Variants in EDIL3 observed in about 807,000 individuals in gnomAD.
EDIL3 encodes the protein EGF-like repeat and discoidin I-like domain-containing protein 3.
A neutral mutation model predicts 67.4 loss-of-function variants in EDIL3; 37 were observed. The observed-to-expected ratio is 0.55, with a 90% CI of 0.42 to 0.72. The LOEUF is 0.72. Ranked by LOEUF, EDIL3 falls within the 30% of genes least tolerant of loss-of-function variation. The pLI, the probability that EDIL3 is intolerant of heterozygous loss-of-function variation, is 0.00. For missense variants in EDIL3, 527 were observed against 586.3 expected (o/e 0.90, Z 1.04); for synonymous variants, 195 against 196.3 (o/e 0.99, Z 0.05).
At chr5:83,992,027 C>A (rs1745159241) in intron 9 of EDIL3, among the ~76,000 whole-genome samples, 1 of 152,230 alleles carries the variant, frequency 6.6e-6, no homozygotes, top group South Asian at 2.1e-4. Context: ...GTTAGATATT[C>A]TTCTTAAATT....
intron 1 of EDIL3, among the ~76,000 whole-genome samples, chr5:84,270,978 T>C (rs1745461527): frequency 6.6e-6 from 1 of 152,188 alleles, no homozygotes; most frequent in African/African-American, 2.4e-5. Context: ...GGATTCAAAG[T>C]GCAGGGTTAA....
intron 4 of EDIL3, among the ~76,000 whole-genome samples, chr5:84,170,152 T>C (rs1032540413): frequency 6.6e-6 from 1 of 152,144 alleles, no homozygotes; most frequent in Non-Finnish European, 1.5e-5. Flanking sequence ...GAAATGATAT[T>C]GCAAAATGGT....
At chr5:84,195,690 C>A (rs1743689982) in intron 3 of EDIL3, among the ~76,000 whole-genome samples, 1 of 151,958 alleles carries the variant, frequency 6.6e-6, no homozygotes, top group Admixed American at 6.6e-5. Flanking sequence ...AATGACCGTG[C>A]TTTGGGCTTA....
rs185659265 is a variant in EDIL3, at chr5:84,117,932, C to T, written c.470-11102G>A. 1.3e-3 allele frequency among the ~76,000 whole-genome samples: 192 copies of T among 152,056 alleles called. 1 individual carries two copies. The highest frequency in any genetic ancestry group is 2.1e-3 in the Non-Finnish European group (146 of 67,952). The stretch of plus-strand genomic sequence containing the variant: ...AATTTCATTTCTAAAAAATTTTGTA[C>T]AAATGAGAATAGTGACTGAATTTTC... On this transcript the variant is annotated intron_variant, in intron 5 of 10. Transcript: ENST00000296591.
intron 1 of EDIL3, among the ~76,000 whole-genome samples, chr5:84,333,235 T>C (rs1021265901): frequency 2.0e-5 from 3 of 152,126 alleles, no homozygotes; most frequent in Non-Finnish European, 4.4e-5. Flanking sequence ...ATTATGAACA[T>C]ACGAATTTCA....
At chr5:84,318,161 CACAA>C (rs1338252057) in intron 1 of EDIL3, among the ~76,000 whole-genome samples, 4 of 152,072 alleles carry the variant, frequency 2.6e-5, no homozygotes, top group African/African-American at 9.7e-5. Context: ...TAAAAGAAGA[CACAA>C]ACAAATGGAA....
At chr5:84,326,915 T>C (rs933017645) in intron 1 of EDIL3, among the ~76,000 whole-genome samples, 1 of 151,990 alleles carries the variant, frequency 6.6e-6, no homozygotes, top group South Asian at 2.1e-4. Context: ...TTTCTCTCTG[T>C]GCTACAATCT....
intron 4 of EDIL3, among the ~76,000 whole-genome samples, chr5:84,158,735 C>A (rs866417918): frequency 6.6e-6 from 1 of 151,908 alleles, no homozygotes; most frequent in Admixed American, 6.6e-5. Context: ...AACCTTTATC[C>A]TAAGATGTTT....
chr5:84,279,792 T>G (rs765658955), intron 1 of EDIL3, among the ~76,000 whole-genome samples: 71 of 152,168 alleles, frequency 4.7e-4, no homozygotes, highest in Non-Finnish European at 8.4e-4. Context: ...CTTTCCCAGC[T>G]TCCATTCCAA....
chr5:84,132,303 TAA>T (rs1747983769), intron 5 of EDIL3, among the ~76,000 whole-genome samples: 1 of 94,582 alleles, frequency 1.1e-5, no homozygotes, highest in South Asian at 2.7e-4. Context: ...ATTTTATATA[TAA>T]TATATATTAT....
intron 6 of EDIL3, among the ~76,000 whole-genome samples, chr5:84,101,787 C>T (rs964074453): frequency 1.3e-5 from 2 of 151,878 alleles, no homozygotes; most frequent in African/African-American, 4.8e-5. Context: ...TCCAAACAAT[C>T]GAGGAAGAGG....
chr5:84,141,826 G>C (rs1257522554), intron 4 of EDIL3, among the ~76,000 whole-genome samples: 2 of 147,574 alleles, frequency 1.4e-5, no homozygotes, highest in Admixed American at 6.8e-5. Flanking sequence ...CTTCTCTTTG[G>C]CTTGGGTTTT....
intron 1 of EDIL3, among the ~76,000 whole-genome samples, chr5:84,377,135 G>C (rs1012182429): frequency 6.6e-6 from 1 of 152,044 alleles, no homozygotes; most frequent in South Asian, 2.1e-4. Flanking sequence ...GACCACCCTG[G>C]CTAACACGGT....
rs1319311041 is a variant in EDIL3 at position 83,940,965 on chromosome 5, T to C, written c.*2454A>G. 6.6e-6 allele frequency: 1 copy of C among 152,012 alleles called. No homozygotes were observed. The highest frequency in any genetic ancestry group is 1.5e-5 in the Non-Finnish European group (1 of 67,914). 9.4% of individuals were successfully genotyped at this position (152,012 alleles called of 1,614,324 possible). A position where few individuals can be genotyped will look rare whatever the true frequency, so the allele number is the denominator to read the frequency against. ...TAATGGAGATGTTTAAAAGTTTAGT[T>C]TCATTAATTGTAAAATTAGCATGTT... is the stretch of plus-strand genomic sequence containing the variant. On this transcript the variant is annotated 3_prime_UTR_variant, in exon 11 of 11. Coordinates refer to ENST00000296591, the MANE Select transcript of EDIL3 (RefSeq NM_005711.5).
At chr5:84,154,161 G>C (rs1349260558) in intron 4 of EDIL3, among the ~76,000 whole-genome samples, 1 of 152,132 alleles carries the variant, frequency 6.6e-6, no homozygotes, top group Admixed American at 6.5e-5. Context: ...GAAACTTATT[G>C]TCATTTCGTG....
intron 1 of EDIL3, among the ~76,000 whole-genome samples, chr5:84,325,916 G>A (rs748191556): frequency 4.6e-5 from 7 of 152,102 alleles, no homozygotes; most frequent in Non-Finnish European, 1.0e-4. Context: ...ATTCCACTTA[G>A]ATGATGCTAT....
chr5:84,126,033 T>C (rs982713352), intron 5 of EDIL3, among the ~76,000 whole-genome samples: 1 of 151,938 alleles, frequency 6.6e-6, no homozygotes. Flanking sequence ...ATCATCTCTC[T>C]ACAGGTTACA....
At position 84,180,507 on chromosome 5, in the gene EDIL3, T is replaced by G; in HGVS notation, c.241A>C (p.Asn81His). The G allele has an allele frequency of 6.2e-7, 1 of 1,602,160 alleles. No individual in the cohort carries two copies. The highest frequency in any genetic ancestry group is 8.5e-7 in the Non-Finnish European group (1 of 1,174,762). The change falls in exon 4 of 11, where the codon AAT becomes CAT. Residue 81 changes from asparagine to histidine, a missense_variant. By Grantham distance (68) the Asn-to-His change is moderately conservative. Transcript: ENST00000296591. ...EPTSAGPCTP[N>H]PCHNGGTCEI... ...CAGGTTCCTCCATTATGGCATGGAT[T>G]AGGAGTGCAGGGACCTGAAAGACAG... is the stretch of plus-strand genomic sequence containing the variant.
intron 9 of EDIL3, among the ~76,000 whole-genome samples, chr5:83,998,401 A>G (rs1205003360): frequency 6.6e-6 from 1 of 152,192 alleles, no homozygotes; most frequent in African/African-American, 2.4e-5. Flanking sequence ...CCTGCTGACT[A>G]AAGAACCCTT....
Sources: gnomAD v4.1 joint callset for allele counts (sites outside exome capture counted in the v4.1 genomes callset) on GRCh38, gnomAD v4.1.1 for gene constraint, MANE v1.5 for transcripts, NCBI Gene and HGNC (gene_info 2026-07-23, HGNC 2026-07-21) for gene names.